The following BCAS3 variants were observed in gnomAD, a reference collection of about 807,000 sequenced individuals.
BCAS3 encodes the protein BCAS3 microtubule associated cell migration factor.
Under a neutral mutation model 116.1 loss-of-function variants are expected in BCAS3, and 53 were observed. The observed-to-expected ratio is 0.46, with a 90% CI of 0.37 to 0.57. The LOEUF is 0.57. Ranked by LOEUF, BCAS3 falls within the 20% of genes least tolerant of loss-of-function variation. The probability of loss-of-function intolerance (pLI) is 0.00; values close to 1 mark genes in which losing one functional copy is unlikely to be tolerated. For synonymous variants in BCAS3, 391 were observed against 408.2 expected (o/e 0.96, Z 0.51); for missense variants, 917 against 1,165.4 (o/e 0.79, Z 3.10).
chr17:61,254,390 C>T (rs923697054), intron 22 of BCAS3, among the ~76,000 whole-genome samples: 2 of 152,112 alleles, frequency 1.3e-5, no homozygotes, highest in African/African-American at 4.8e-5. Flanking sequence ...TAGTTGATGC[C>T]TCAATTGTTT....
At chr17:60,777,661 A>C (rs1568229711) in intron 6 of BCAS3, among the ~76,000 whole-genome samples, 1 of 151,974 alleles carries the variant, frequency 6.6e-6, no homozygotes, top group African/African-American at 2.4e-5. Flanking sequence ...TTAAAAACTC[A>C]CAGGTTATTT....
chr17:60,845,493 G>A (rs2052431508), intron 7 of BCAS3, among the ~76,000 whole-genome samples: 1 of 152,194 alleles, frequency 6.6e-6, no homozygotes, highest in Non-Finnish European at 1.5e-5. Flanking sequence ...CTTAACAGTG[G>A]CCACTGCTCA....
intron 10 of BCAS3, among the ~76,000 whole-genome samples, chr17:60,897,615 C>G (rs1218452632): frequency 2.6e-5 from 4 of 151,916 alleles, no homozygotes; most frequent in Non-Finnish European, 5.9e-5. Flanking sequence ...ATTCTTTTTT[C>G]TTTATTTTTA....
intron 11 of BCAS3, among the ~76,000 whole-genome samples, chr17:60,907,974 G>A (rs1240045203): frequency 6.6e-6 from 1 of 152,042 alleles, no homozygotes; most frequent in African/African-American, 2.4e-5. Context: ...TAAAAGCAAG[G>A]GTCTTTACAA....
At position 61,200,568 on chromosome 17, in the gene BCAS3, C is replaced by G. The variant is rs374074076; in HGVS notation, c.2425+116004C>G. ...TCCTGGATCCTGATCGTTCAGCCTCCGAAACATTCCTACTGAAGAGGCATT... is the reference window on the plus strand; with the variant it reads ...TCCTGGATCCTGATCGTTCAGCCTCGGAAACATTCCTACTGAAGAGGCATT... On this transcript the variant is annotated intron_variant, in intron 22 of 23. Coordinates refer to ENST00000407086, the MANE Select transcript of BCAS3 (RefSeq NM_017679.5). The surrounding 1 kb of genome is among the most constrained non-coding windows in gnomAD (Gnocchi z 5.1). Among the ~76,000 whole-genome samples, 1 of 152,132 alleles carries G rather than the reference C, an allele frequency of 6.6e-6. No homozygotes were observed. The highest frequency in any genetic ancestry group is 1.5e-5 in the Non-Finnish European group (1 of 68,028).
intron 7 of BCAS3, among the ~76,000 whole-genome samples, chr17:60,829,034 A>G (rs193198045): frequency 1.3e-5 from 2 of 152,330 alleles, no homozygotes; most frequent in East Asian, 3.9e-4. Context: ...TATCTAGCTC[A>G]TAATATCGAT....
intron 5 of BCAS3, among the ~76,000 whole-genome samples, chr17:60,732,320 T>C (rs916648922): frequency 6.6e-6 from 1 of 152,222 alleles, no homozygotes; most frequent in Non-Finnish European, 1.5e-5. Context: ...TCTGCATTTA[T>C]ATGTTTAAAT....
intron 7 of BCAS3, among the ~76,000 whole-genome samples, chr17:60,822,382 A>T (rs1395669353): frequency 4.6e-5 from 7 of 151,246 alleles, no homozygotes; most frequent in Non-Finnish European, 7.4e-5. Context: ...TTACCTCTTC[A>T]TTCATATCTC....
chr17:61,050,118 A>G (rs1348717573), intron 19 of BCAS3, among the ~76,000 whole-genome samples: 1 of 152,014 alleles, frequency 6.6e-6, no homozygotes, highest in Non-Finnish European at 1.5e-5. Context: ...CTGAAGATGA[A>G]GGCAAAATAT....
At position 61,095,228 on chromosome 17, in the gene BCAS3, A is replaced by G. The variant is rs2073890461; in HGVS notation, c.2425+10664A>G. On this transcript the variant is annotated intron_variant, in intron 22 of 23. Coordinates refer to ENST00000407086, the MANE Select transcript of BCAS3 (RefSeq NM_017679.5). This position sits in a 1 kb window ranked among gnomAD's most constrained non-coding sequence, Gnocchi z 4.7. ...ACCAAAACAGCATATCAGAACAGAT[A>G]GAATGCAATAGCAGATATGAGAATC... 6.6e-6 allele frequency among the ~76,000 whole-genome samples: 1 copy of G among 152,250 alleles called. No individual in the cohort carries two copies. The highest frequency in any genetic ancestry group is 2.1e-4 in the South Asian group (1 of 4,834).
At position 61,073,777 on chromosome 17, in the gene BCAS3, C is replaced by G. The variant is rs2071665029; in HGVS notation, c.2030-1143C>G. ...TTCTACTTACCTCCCCTCTTTTTCT[C>G]TGTTCCTCCCAGTACTTCATTGCTT... On this transcript the variant is annotated intron_variant, in intron 19 of 23. Transcript: ENST00000407086. The surrounding 1 kb of genome is among the most constrained non-coding windows in gnomAD (Gnocchi z 4.6). Among the ~76,000 whole-genome samples the G allele has an allele frequency of 6.6e-6, 1 of 151,954 alleles. No homozygotes were observed.
intron 20 of BCAS3, among the ~76,000 whole-genome samples, chr17:61,075,578 G>A (rs995561156): frequency 1.1e-4 from 17 of 152,166 alleles, no homozygotes; most frequent in African/African-American, 4.1e-4. Context: ...GCCTCCCAAA[G>A]TGCTGGGATT....
chr17:61,183,068 A>T (rs2079568615), intron 22 of BCAS3, among the ~76,000 whole-genome samples: 1 of 152,288 alleles, frequency 6.6e-6, no homozygotes, highest in South Asian at 2.1e-4. Context: ...TAATAGAAGA[A>T]CCTTCTTTCA....
At position 61,339,049 on chromosome 17, in the gene BCAS3, A is replaced by G. The variant is rs2056947671; in HGVS notation, c.2426-29278A>G. Among the ~76,000 whole-genome samples, 1 of 151,888 alleles carries G rather than the reference A, an allele frequency of 6.6e-6. No individual in the cohort carries two copies. Among genetic ancestry groups the G allele is most frequent in the Non-Finnish European group, 1.5e-5 (1 of 67,960 alleles). On this transcript the variant is annotated intron_variant, in intron 22 of 23. Transcript: ENST00000407086. This position sits in a 1 kb window ranked among gnomAD's most constrained non-coding sequence, Gnocchi z 4.4. ...GGTTTTGGGAAAAAAAAAAATTCAC[A>G]AAGACCCATCTGCCTCTCCCATTTT...
intron 22 of BCAS3, among the ~76,000 whole-genome samples, chr17:61,168,497 T>C (rs961979036): frequency 3.3e-5 from 5 of 152,216 alleles, no homozygotes; most frequent in Admixed American, 6.5e-5. Context: ...TCTCACCTTT[T>C]CAAATATTTA....
Position 61,068,830 on chromosome 17 carries a change from T to C in BCAS3, c.2030-6090T>C, listed in dbSNP as rs1185079410. Among the ~76,000 whole-genome samples, 4 of 152,332 alleles carry C rather than the reference T, an allele frequency of 2.6e-5. No homozygotes were observed. In the South Asian group the frequency reaches 6.2e-4, roughly 24 times the overall value. On this transcript the variant is annotated intron_variant, in intron 19 of 23. Coordinates refer to ENST00000407086, the MANE Select transcript of BCAS3 (RefSeq NM_017679.5). This position sits in a 1 kb window ranked among gnomAD's most constrained non-coding sequence, Gnocchi z 4.3. ...TTTGAGTGGTTAGAAGCATGGAAAC[T>C]TTGCTCTTATCATATTTTCTTTTTA... is the stretch of plus-strand genomic sequence containing the variant.
chr17:60,965,321 A>G (rs956118395), intron 14 of BCAS3, among the ~76,000 whole-genome samples: 2 of 149,680 alleles, frequency 1.3e-5, no homozygotes, highest in East Asian at 2.0e-4. Flanking sequence ...TCCTGAGTTC[A>G]AGTGATTCTC....
rs1260083338 is a variant in BCAS3 at position 61,339,012 on chromosome 17, G to A, written c.2426-29315G>A. Reference sequence around the variant, plus strand: ...ATACCCCATTTCTTAGTGGGCCAAAGTTTAACATCTTGGTTTTGGGAAAAA... The same window carrying A: ...ATACCCCATTTCTTAGTGGGCCAAAATTTAACATCTTGGTTTTGGGAAAAA... On this transcript the variant is annotated intron_variant, in intron 22 of 23. Coordinates refer to ENST00000407086, the MANE Select transcript of BCAS3 (RefSeq NM_017679.5). This position sits in a 1 kb window ranked among gnomAD's most constrained non-coding sequence, Gnocchi z 4.4. 6.7e-6 allele frequency among the ~76,000 whole-genome samples: 1 copy of A among 149,444 alleles called. No homozygotes were observed. Among genetic ancestry groups the A allele is most frequent in the Non-Finnish European group, 1.5e-5 (1 of 67,612 alleles).
rs1019496925 is a variant in BCAS3 at position 61,068,360 on chromosome 17, G to A, written c.2030-6560G>A. On this transcript the variant is annotated intron_variant, in intron 19 of 23. Transcript: ENST00000407086. The surrounding 1 kb of genome is among the most constrained non-coding windows in gnomAD (Gnocchi z 4.3). ...TCAGGGTATAAAAGTATGAGGTAAG[G>A]GATTTGGGGACATTTTGTCCTAATT... is the stretch of plus-strand genomic sequence containing the variant. Among the ~76,000 whole-genome samples the A allele has an allele frequency of 3.3e-5, 5 of 152,078 alleles. No individual in the cohort carries two copies. The highest frequency in any genetic ancestry group is 4.4e-5 in the Non-Finnish European group (3 of 68,012).
Sources: allele counts gnomAD v4.1 joint callset (sites outside exome capture counted in the v4.1 genomes callset), GRCh38; gene constraint gnomAD v4.1.1; non-coding constraint Gnocchi (gnomAD v3.1); transcripts MANE v1.5; gene names NCBI Gene and HGNC (gene_info 2026-07-23, HGNC 2026-07-21).